Variants in DENND4C observed in about 807,000 individuals in gnomAD.
DENND4C encodes DENN domain-containing protein 4C.
Under a neutral mutation model 203.0 loss-of-function variants are expected in DENND4C, and 108 were observed. The ratio of observed to expected loss-of-function variants is 0.53; its 90% CI spans 0.46 to 0.62. The LOEUF is 0.62. Among genes scored for constraint, DENND4C ranks in the 20% least tolerant of loss-of-function variants. The probability of loss-of-function intolerance (pLI) is 0.00; values close to 1 mark genes in which losing one functional copy is unlikely to be tolerated. For synonymous variants in DENND4C, 871 were observed against 792.4 expected (o/e 1.10, Z -1.67); for missense variants, 2,481 against 2,301.2 (o/e 1.08, Z -1.60).
At chr9:19,238,172 T>C (rs1822513761) in intron 1 of DENND4C, among the ~76,000 whole-genome samples, 1 of 150,744 alleles carries the variant, frequency 6.6e-6, no homozygotes, top group Non-Finnish European at 1.5e-5. Context: ...AACCTGTGCC[T>C]CCTGGATTCA....
Position 19,268,380 on chromosome 9 carries a change from G to A in DENND4C, c.-17-7778G>A, listed in dbSNP as rs1452028742. Among the ~76,000 whole-genome samples the A allele has an allele frequency of 5.3e-5, 8 of 152,260 alleles. No individual in the cohort carries two copies. In the East Asian group the frequency reaches 9.7e-4, roughly 18 times the overall value. On this transcript the variant is annotated intron_variant, in intron 1 of 32. Transcript: ENST00000434457. ...CTCCCAGAGTTCTGGGAATACAGGC[G>A]TGAGCCACCGCACCTGGTTGTAGTT...
chr9:19,367,656 T>C (rs1827966536), intron 30 of DENND4C, among the ~76,000 whole-genome samples: 1 of 152,224 alleles, frequency 6.6e-6, no homozygotes, highest in African/African-American at 2.4e-5. Context: ...GGAGAATCAC[T>C]TGAACCCAGG....
At chr9:19,356,101 T>C (rs895857993) in intron 26 of DENND4C, among the ~76,000 whole-genome samples, 8 of 152,150 alleles carry the variant, frequency 5.3e-5, no homozygotes, top group African/African-American at 1.7e-4. Flanking sequence ...TTTTTTTCAA[T>C]GAGCACGCAA....
chr9:19,353,271 C>G (rs1824595264), intron 26 of DENND4C, among the ~76,000 whole-genome samples: 1 of 152,150 alleles, frequency 6.6e-6, no homozygotes, highest in East Asian at 1.9e-4. Flanking sequence ...GGGAATTATA[C>G]TTAATATTCC....
chr9:19,299,631 A>C (rs1432953311), intron 8 of DENND4C, among the ~76,000 whole-genome samples: 2 of 152,118 alleles, frequency 1.3e-5, no homozygotes, highest in East Asian at 1.9e-4. Context: ...ACTTCTTTTC[A>C]TCTGCATCAT....
chr9:19,311,656 A>C (rs1446056075), intron 10 of DENND4C, among the ~76,000 whole-genome samples: 2 of 152,220 alleles, frequency 1.3e-5, no homozygotes, highest in Non-Finnish European at 2.9e-5. Flanking sequence ...AGCTTATTTA[A>C]TGCTTAAGCA....
At chr9:19,291,024 C>G (rs1427774647) in intron 5 of DENND4C, 148 bp downstream of exon 5, 5 of 789,304 alleles carry the variant, frequency 6.3e-6, no homozygotes, top group African/African-American at 3.5e-5. Context: ...GGTGAGAAAT[C>G]AACATGAAAA....
intron 20 of DENND4C, chr9:19,337,721 G>A (rs1820795450): frequency 9.0e-7 from 1 of 1,115,020 alleles, no homozygotes; most frequent in Non-Finnish European, 1.2e-6. Flanking sequence ...CAAGGGTGGG[G>A]GAAAGACCTT....
At chr9:19,274,756 T>C (rs547206343) in intron 1 of DENND4C, among the ~76,000 whole-genome samples, 14 of 152,372 alleles carry the variant, frequency 9.2e-5, no homozygotes, top group African/African-American at 3.4e-4. Context: ...ACAAGAGTTC[T>C]AACTGGATTG....
intron 2 of DENND4C, among the ~76,000 whole-genome samples, chr9:19,285,308 C>G (rs1212616495): frequency 1.3e-5 from 2 of 152,082 alleles, no homozygotes; most frequent in Admixed American, 6.5e-5. Context: ...TATGGAGATA[C>G]AATTCACATG....
At chr9:19,327,907 A>G (rs1818162180) in intron 15 of DENND4C, 123 bp from the exon 16 acceptor site, 5 of 939,426 alleles carry the variant, frequency 5.3e-6, no homozygotes, top group Admixed American at 3.3e-5. Flanking sequence ...TATTTTTTCT[A>G]TATAAGCATT....
intron 6 of DENND4C, 117 bp downstream of exon 6, chr9:19,296,363 ACT>A: frequency 4.7e-6 from 3 of 642,006 alleles, no homozygotes; most frequent in Non-Finnish European, 7.7e-6. Flanking sequence ...ATTTAACTGA[ACT>A]TTTTTTTTTT....
intron 12 of DENND4C, among the ~76,000 whole-genome samples, 187 bp downstream of exon 12, chr9:19,317,026 C>T (rs908479109): frequency 3.9e-5 from 6 of 151,912 alleles, no homozygotes; most frequent in Admixed American, 3.3e-4. Flanking sequence ...CCATTTTTCT[C>T]CTGAGAAATC....
At chr9:19,250,734 T>A (rs1337604635) in intron 1 of DENND4C, among the ~76,000 whole-genome samples, 2 of 152,210 alleles carry the variant, frequency 1.3e-5, no homozygotes, top group African/African-American at 4.8e-5. Flanking sequence ...ACAGGCCCCA[T>A]GCAAGTCTGA....
At chr9:19,234,431 C>T (rs1461838696) in intron 1 of DENND4C, among the ~76,000 whole-genome samples, 2 of 151,190 alleles carry the variant, frequency 1.3e-5, no homozygotes, top group Admixed American at 6.6e-5. Context: ...GGGGTTTCAC[C>T]GTGTTAGCCA....
chr9:19,360,507 A>C lies in DENND4C; in HGVS notation c.5406+18A>C. 1.9e-6 allele frequency: 3 copies of C among 1,613,874 alleles called. No individual in the cohort carries two copies. Among genetic ancestry groups the C allele is most frequent in the Non-Finnish European group, 1.7e-6 (2 of 1,179,934 alleles). ...GTGTACAGGTAGGGTGCCAACTTTT[A>C]TACTTACATTAGTATTCAGTAGGAT... On this transcript the variant is annotated intron_variant, in intron 29 of 32. Transcript: ENST00000434457.
intron 10 of DENND4C, among the ~76,000 whole-genome samples, chr9:19,307,570 G>C (rs1303367558): frequency 6.6e-6 from 1 of 151,734 alleles, no homozygotes; most frequent in East Asian, 1.9e-4. Context: ...AGGAGTTCAA[G>C]ACCACCCTGG....
intron 1 of DENND4C, among the ~76,000 whole-genome samples, chr9:19,240,024 C>T (rs566776641): frequency 3.9e-5 from 6 of 152,098 alleles, no homozygotes; most frequent in East Asian, 1.9e-4. Context: ...TGTTGAACTC[C>T]CTGTGATTGT....
At chr9:19,300,381 C>T in intron 9 of DENND4C, 50 bp downstream of exon 9, 1 of 1,405,094 alleles carries the variant, frequency 7.1e-7, no homozygotes, top group Non-Finnish European at 9.4e-7. Flanking sequence ...ATAATTTTTA[C>T]TCCAAAGGGA....
Sources: allele counts gnomAD v4.1 joint callset (sites outside exome capture counted in the v4.1 genomes callset), GRCh38; gene constraint gnomAD v4.1.1; transcripts MANE v1.5; gene names NCBI Gene and HGNC (gene_info 2026-07-23, HGNC 2026-07-21).